The following CLTCL1 variants were observed in gnomAD, a reference collection of about 807,000 sequenced individuals.
The protein encoded by CLTCL1 is clathrin heavy chain like 1, also known as clathrin heavy chain 2.
A neutral mutation model predicts 190.0 loss-of-function variants in CLTCL1; 159 were observed. That is an observed-to-expected ratio of 0.84 (90% CI 0.74 to 0.95). The LOEUF is 0.95. CLTCL1 is among the 40% of genes least tolerant of loss of function. The pLI is 0.00. For synonymous variants in CLTCL1, 752 were observed against 769.6 expected (o/e 0.98, Z 0.38); for missense variants, 1,878 against 2,033.4 (o/e 0.92, Z 1.47).
rs1409952757 is a variant in CLTCL1, at chr22:19,211,571, A to C, written c.3066-1062T>G. 2.0e-5 allele frequency among the ~76,000 whole-genome samples: 3 copies of C among 152,174 alleles called. No homozygotes were observed. The East Asian group carries it at 5.8e-4, about 29-fold the overall frequency. On this transcript the variant is annotated intron_variant, in intron 19 of 32. Coordinates refer to ENST00000427926, the MANE Select transcript of CLTCL1 (RefSeq NM_007098.4). ...ATCACAAGGTCAGGATATCAAGACC[A>C]TCCTGGCTAACACGGTAAAGCCCGT...
intron 2 of CLTCL1, among the ~76,000 whole-genome samples, chr22:19,263,157 C>T (rs759148981): frequency 6.6e-6 from 1 of 151,734 alleles, no homozygotes; most frequent in Non-Finnish European, 1.5e-5. Flanking sequence ...CTCTCTGTAA[C>T]CCAGGCTGAC....
At chr22:19,286,684 C>G (rs1463130849) in intron 1 of CLTCL1, among the ~76,000 whole-genome samples, 3 of 152,072 alleles carry the variant, frequency 2.0e-5, no homozygotes, top group Non-Finnish European at 4.4e-5. Context: ...TTTTACTTTC[C>G]CCCCTCTTTC....
intron 1 of CLTCL1, among the ~76,000 whole-genome samples, chr22:19,279,697 C>T (rs1289408633): frequency 6.6e-6 from 1 of 152,186 alleles, no homozygotes; most frequent in Non-Finnish European, 1.5e-5. Context: ...ATAATCAGTC[C>T]CCTACCCCAA....
At position 19,210,642 on chromosome 22, in the gene CLTCL1, G is replaced by A. The variant is rs138271373; in HGVS notation, c.3066-133C>T. ...TAATATACACACACATAACTGCTAA[G>A]TAAATACAACAGAGTATTTGTGAAG... On this transcript the variant is annotated intron_variant, in intron 19 of 32. Coordinates refer to ENST00000427926, the MANE Select transcript of CLTCL1 (RefSeq NM_007098.4). The A allele has an allele frequency of 1.7e-5, 11 of 637,856 alleles. No homozygotes were observed. The East Asian group carries it at 3.1e-4, about 18-fold the overall frequency. The allele number at this position is 637,856 out of a possible 1,614,324, so 39.5% of individuals were successfully genotyped here. A position where few individuals can be genotyped will look rare whatever the true frequency, so the allele number is the denominator to read the frequency against.
intron 19 of CLTCL1, among the ~76,000 whole-genome samples, chr22:19,213,007 C>T (rs369888027): frequency 4.6e-5 from 7 of 152,214 alleles, no homozygotes; most frequent in South Asian, 4.1e-4. Flanking sequence ...AACTTTTGTT[C>T]TGTTAATGAC....
At chr22:19,191,641 G>C (rs1406506243) in intron 26 of CLTCL1, among the ~76,000 whole-genome samples, 1 of 152,186 alleles carries the variant, frequency 6.6e-6, no homozygotes, top group Non-Finnish European at 1.5e-5. Flanking sequence ...TTTCTTAAGA[G>C]GCCAGCCTCA....
intron 2 of CLTCL1, among the ~76,000 whole-genome samples, chr22:19,263,254 C>A (rs2087011192): frequency 1.4e-5 from 2 of 145,894 alleles, no homozygotes; most frequent in African/African-American, 2.6e-5. Context: ...ACCACCACAC[C>A]CAGAATTTTT....
intron 15 of CLTCL1, among the ~76,000 whole-genome samples, 181 bp from the exon 16 acceptor site, chr22:19,222,274 G>A (rs1555953021): frequency 6.6e-6 from 1 of 152,182 alleles, no homozygotes; most frequent in African/African-American, 2.4e-5. Context: ...TTGGAAAGAG[G>A]GTGTTTAAGA....
intron 27 of CLTCL1, among the ~76,000 whole-genome samples, chr22:19,190,240 A>C (rs1308352977): frequency 6.6e-6 from 1 of 152,170 alleles, no homozygotes; most frequent in African/African-American, 2.4e-5. Context: ...TTACAGGCAT[A>C]AGCCACCATT....
intron 1 of CLTCL1, among the ~76,000 whole-genome samples, chr22:19,283,556 C>T (rs1421398772): frequency 1.3e-5 from 2 of 151,660 alleles, no homozygotes; most frequent in African/African-American, 4.8e-5. Flanking sequence ...GCTGAGATTA[C>T]AGGCATGCAC....
At chr22:19,232,692 A>G (rs2085954793) in intron 9 of CLTCL1, 94 bp from the exon 10 acceptor site, 1 of 1,472,964 alleles carries the variant, frequency 6.8e-7, no homozygotes, top group Admixed American at 2.2e-5. Context: ...ACTCGTGTTA[A>G]CAAAGAAATG....
Position 19,194,495 on chromosome 22 carries a change from A to G in CLTCL1, c.4191+1771T>C, listed in dbSNP as rs530613982. 3.1e-4 allele frequency among the ~76,000 whole-genome samples: 47 copies of G among 152,320 alleles called. 1 individual carries two copies. The South Asian group carries it at 4.6e-3, about 15-fold the overall frequency. The stretch of plus-strand genomic sequence containing the variant: ...AGACTCCGTTTCAAGAAAAATAATA[A>G]TAAAACAAAAAAAGAAGAGAAAACT... On this transcript the variant is annotated intron_variant, in intron 26 of 32. Transcript: ENST00000427926.
intron 26 of CLTCL1, among the ~76,000 whole-genome samples, chr22:19,195,956 C>G (rs782293419): frequency 6.6e-6 from 1 of 152,126 alleles, no homozygotes; most frequent in Non-Finnish European, 1.5e-5. Flanking sequence ...GAGGCCTGGC[C>G]ACAAGGGCGT....
At chr22:19,230,984 A>G (rs1269854931) in intron 10 of CLTCL1, among the ~76,000 whole-genome samples, 11 of 152,088 alleles carry the variant, frequency 7.2e-5, no homozygotes. Context: ...TCCACCTCCT[A>G]CCTTTGGACA....
intron 29 of CLTCL1, among the ~76,000 whole-genome samples, chr22:19,187,018 G>C (rs782076676): frequency 6.7e-6 from 1 of 149,824 alleles, no homozygotes; most frequent in Non-Finnish European, 1.5e-5. Flanking sequence ...TGCAGCCTCT[G>C]ACTCCTGAGC....
At chr22:19,238,038 AT>A (rs2086134084) in intron 5 of CLTCL1, among the ~76,000 whole-genome samples, 1 of 152,118 alleles carries the variant, frequency 6.6e-6, no homozygotes, top group African/African-American at 2.4e-5. Context: ...ATAGATCTAA[AT>A]TTTTTATAAA....
rs782670762 is a variant in CLTCL1 at position 19,208,937 on chromosome 22, A to G, written c.3427T>C (p.Ser1143Pro). Residue 1143 changes from serine (S) to proline (P), a missense_variant, in exon 21 of 33, where the codon TCA (serine) becomes CCA (proline). Ser to Pro is a moderately conservative substitution (Grantham distance 74). Coordinates refer to ENST00000427926, the MANE Select transcript of CLTCL1 (RefSeq NM_007098.4). Reference sequence around the variant, plus strand: ...ACTCACTTACTGCTCCTGCTGGCTGACTGAACAACTTCCAGGTAAGAGGAA... The same window carrying G: ...ACTCACTTACTGCTCCTGCTGGCTGGCTGAACAACTTCCAGGTAAGAGGAA... ...DPSSYLEVVQ[S>P]ASRSNNWEDL... 2 of 1,608,362 alleles carry G rather than the reference A, an allele frequency of 1.2e-6. No homozygotes were observed. Among genetic ancestry groups the G allele is most frequent in the Admixed American group, 3.4e-5 (2 of 59,380 alleles).
chr22:19,245,250 G>A (rs1326714042), intron 3 of CLTCL1, among the ~76,000 whole-genome samples: 1 of 143,796 alleles, frequency 7.0e-6, no homozygotes, highest in East Asian at 2.1e-4. Context: ...ATGGAGTGCA[G>A]TGGCGTGACC....
intron 21 of CLTCL1, 136 bp from the exon 22 acceptor site, chr22:19,208,447 C>T (rs569237188): frequency 1.7e-4 from 169 of 1,015,600 alleles, no homozygotes; most frequent in Admixed American, 5.7e-4. Context: ...CTCCAGATAA[C>T]GTCTAGGAGG....
Sources: allele counts gnomAD v4.1 joint callset (sites outside exome capture counted in the v4.1 genomes callset), GRCh38; gene constraint gnomAD v4.1.1; transcripts MANE v1.5; gene names NCBI Gene and HGNC (gene_info 2026-07-23, HGNC 2026-07-21).